ATP11B: variants seen among roughly 807,000 people sequenced by gnomAD.
ATP11B encodes the protein ATPase phospholipid transporting 11B (putative), also known as phospholipid-transporting ATPase IF.
In ATP11B, 81 loss-of-function variants were observed where a neutral mutation model predicts 157.8. The ratio of observed to expected loss-of-function variants is 0.51; its 90% CI spans 0.43 to 0.62. ATP11B has a LOEUF of 0.62. Among genes scored for constraint, ATP11B ranks in the 20% least tolerant of loss-of-function variants. The pLI, the probability that ATP11B is intolerant of heterozygous loss-of-function variation, is 0.00. For synonymous variants in ATP11B, 451 were observed against 469.4 expected (o/e 0.96, Z 0.51); for missense variants, 1,165 against 1,402.2 (o/e 0.83, Z 2.70).
chr3:182,914,652 C>T, intron 29 of ATP11B: 1 of 985,282 alleles, frequency 1.0e-6, no homozygotes. Context: ...ATTTTTGTCC[C>T]CTCCTAAATC....
chr3:182,829,518 A>G (rs1330970499), intron 3 of ATP11B, among the ~76,000 whole-genome samples, 154 bp from the exon 4 acceptor site: 1 of 152,230 alleles, frequency 6.6e-6, no homozygotes, highest in Non-Finnish European at 1.5e-5. Context: ...ATAGATTTAA[A>G]TAGTCTTCCA....
Position 182,896,725 on chromosome 3 carries a change from C to T in ATP11B, c.3008C>T (p.Thr1003Ile). 3 of 1,613,050 alleles carry T rather than the reference C, an allele frequency of 1.9e-6. No homozygotes were observed. Among genetic ancestry groups the T allele is most frequent in the Non-Finnish European group, 2.5e-6 (3 of 1,179,312 alleles). ...ATGTTTGGAAACTGGACATTTGGCA[C>T]TTTGGTCTTCACAGTCATGGTTATT... is the stretch of plus-strand genomic sequence containing the variant. ...GQMFGNWTFG[T>I]LVFTVMVITV... The change falls in exon 26 of 30, where the codon ACT becomes ATT. Residue 1003 changes from threonine to isoleucine, a missense_variant. Around this residue, in one of 4 missense-constraint regions of ATP11B, gnomAD observed 303 missense variants for 296.3 expected, o/e 1.02. Transcript: ENST00000323116.
intron 21 of ATP11B, among the ~76,000 whole-genome samples, chr3:182,882,659 T>A (rs943294972): frequency 1.3e-5 from 2 of 152,110 alleles, no homozygotes; most frequent in Admixed American, 6.5e-5. Context: ...AAGAATCTTT[T>A]GAGGACAACA....
chr3:182,794,596 C>T (rs1302698575), intron 1 of ATP11B, among the ~76,000 whole-genome samples: 1 of 152,064 alleles, frequency 6.6e-6, no homozygotes, highest in Non-Finnish European at 1.5e-5. Context: ...CATCTGGACA[C>T]CACCAACAAA....
intron 17 of ATP11B, among the ~76,000 whole-genome samples, chr3:182,871,781 A>T (rs1247276143): frequency 6.6e-6 from 1 of 151,944 alleles, no homozygotes; most frequent in East Asian, 1.9e-4. Flanking sequence ...CTAGGCTCTA[A>T]TATTCTACAA....
At chr3:182,845,009 T>TTA (rs1553803809) in intron 8 of ATP11B, among the ~76,000 whole-genome samples, 46 of 112,088 alleles carry the variant, frequency 4.1e-4, no homozygotes, top group African/African-American at 8.6e-4. Context: ...TTTTTTTATT[T>TTA]TTTTTTATTT....
chr3:182,819,118 C>T (rs759353674), intron 1 of ATP11B, among the ~76,000 whole-genome samples: 2 of 148,738 alleles, frequency 1.3e-5, no homozygotes, highest in African/African-American at 2.5e-5. Context: ...TCCCCGTGTC[C>T]CAGGCTGGAG....
chr3:182,815,552 T>C (rs1004692125), intron 1 of ATP11B, among the ~76,000 whole-genome samples: 2 of 152,226 alleles, frequency 1.3e-5, no homozygotes, highest in African/African-American at 4.8e-5. Context: ...AATCACTTTC[T>C]GTCATGAATG....
In ATP11B at chr3:182,820,313, G is replaced by C; in HGVS notation, c.81G>C (p.Arg27Ser). The change falls in exon 2 of 30, where the codon AGG becomes AGC. Residue 27 changes from arginine (R) to serine (S), a missense_variant. Coordinates refer to ENST00000323116, the MANE Select transcript of ATP11B (RefSeq NM_014616.3). Reference protein sequence around the residue: ...SDTRTIYVANRFPQNGLYTPQ... With the variant: ...SDTRTIYVANSFPQNGLYTPQ... ...CAAGAACCATCTACGTAGCCAACAG[G>C]TTTCCTCAGAATGGCCTTTACACAC... 10 of 1,614,130 alleles carry C rather than the reference G, an allele frequency of 6.2e-6. No individual in the cohort carries two copies. The highest frequency in any genetic ancestry group is 7.6e-6 in the Non-Finnish European group (9 of 1,180,000).
At chr3:182,821,234 A>G (rs1301759919) in intron 2 of ATP11B, among the ~76,000 whole-genome samples, 2 of 151,942 alleles carry the variant, frequency 1.3e-5, no homozygotes, top group African/African-American at 4.8e-5. Context: ...TCAGCCTCCC[A>G]AGTAGCTGGG....
chr3:182,812,097 T>C (rs1716704170), intron 1 of ATP11B, among the ~76,000 whole-genome samples: 1 of 152,232 alleles, frequency 6.6e-6, no homozygotes, highest in South Asian at 2.1e-4. Flanking sequence ...CTTTTTTTAC[T>C]TCAATACATT....
At chr3:182,845,215 C>T (rs958118528) in intron 8 of ATP11B, among the ~76,000 whole-genome samples, 1 of 152,036 alleles carries the variant, frequency 6.6e-6, no homozygotes, top group African/African-American at 2.4e-5. Context: ...CCATGTTGCC[C>T]AGGCTGGTCT....
intron 1 of ATP11B, among the ~76,000 whole-genome samples, chr3:182,809,580 C>A (rs947154891): frequency 3.3e-5 from 5 of 152,140 alleles, no homozygotes; most frequent in Non-Finnish European, 7.3e-5. Context: ...ATCCTGTACA[C>A]ATCCTTTGCT....
At chr3:182,796,672 T>C (rs1223925544) in intron 1 of ATP11B, among the ~76,000 whole-genome samples, 2 of 152,188 alleles carry the variant, frequency 1.3e-5, no homozygotes, top group Non-Finnish European at 2.9e-5. Flanking sequence ...TAACAGATGC[T>C]GAATACCAGG....
chr3:182,820,902 A>T (rs920350551), intron 2 of ATP11B, among the ~76,000 whole-genome samples: 1 of 152,232 alleles, frequency 6.6e-6, no homozygotes, highest in African/African-American at 2.4e-5. Context: ...ACTAATATTT[A>T]TGCTATGTAC....
At chr3:182,867,565 C>A in intron 15 of ATP11B, 121 bp downstream of exon 15, 3 of 463,638 alleles carry the variant, frequency 6.5e-6, no homozygotes, top group Non-Finnish European at 1.1e-5. Context: ...TTCTACAGCC[C>A]ACAAGTCACA....
intron 1 of ATP11B, among the ~76,000 whole-genome samples, chr3:182,808,460 AT>A (rs879773357): frequency 8.0e-5 from 12 of 149,836 alleles, no homozygotes; most frequent in African/African-American, 1.2e-4. Flanking sequence ...TATTTGTAGT[AT>A]TTTTTTTTTA....
intron 23 of ATP11B, 120 bp downstream of exon 23, chr3:182,886,130 G>C (rs2108566106): frequency 1.8e-6 from 1 of 541,546 alleles, no homozygotes; most frequent in South Asian, 4.7e-5. Flanking sequence ...CAGGGAACCA[G>C]ACAGAACTTT....
chr3:182,848,593 A>C, intron 10 of ATP11B, 36 bp downstream of exon 10: 1 of 1,177,746 alleles, frequency 8.5e-7, no homozygotes. Flanking sequence ...ATATGTAATT[A>C]TAACTCTACA....
Sources: allele counts gnomAD v4.1 joint callset (sites outside exome capture counted in the v4.1 genomes callset), GRCh38; gene constraint gnomAD v4.1.1; regional missense constraint gnomAD v4.1.1; transcripts MANE v1.5; gene names NCBI Gene and HGNC (gene_info 2026-07-23, HGNC 2026-07-21).